SIRPB1: variants seen among roughly 807,000 people sequenced by gnomAD.
The protein encoded by SIRPB1 is signal-regulatory protein beta-1.
A neutral mutation model predicts 34.1 loss-of-function variants in SIRPB1; 28 were observed. The ratio of observed to expected loss-of-function variants is 0.82; its 90% confidence interval spans 0.61 to 1.12. SIRPB1 has a LOEUF of 1.12. SIRPB1 is among the 50% of genes most tolerant of loss of function. The pLI is 0.00. For synonymous variants in SIRPB1, 211 were observed against 203.8 expected (o/e 1.04, Z -0.30); for missense variants, 499 against 507.0 (o/e 0.98, Z 0.15).
intron 2 of SIRPB1, among the ~76,000 whole-genome samples, chr20:1,577,862 C>G (rs6110507): frequency 1.4e-5 from 2 of 146,074 alleles, no homozygotes; most frequent in Non-Finnish European, 3.1e-5. Flanking sequence ...GGTGGGGGAG[C>G]GCTTTAGGCT....
intron 4 of SIRPB1, chr20:1,570,537 G>T: frequency 2.9e-6 from 1 of 341,278 alleles, no homozygotes; most frequent in Non-Finnish European, 5.3e-6. Flanking sequence ...TTCCTTTAAT[G>T]TATATTTATG....
rs77498729 is a variant in SIRPB1, at chr20:1,619,420, A to T, written c.76+449T>A. Among the ~76,000 whole-genome samples, 9 of 152,212 alleles carry T rather than the reference A, an allele frequency of 5.9e-5. No homozygotes were observed. The East Asian group carries it at 1.7e-3, about 29-fold the overall frequency. On this transcript the variant is annotated intron_variant, in intron 1 of 5. Coordinates refer to ENST00000381605, the MANE Select transcript of SIRPB1 (RefSeq NM_006065.5). The stretch of plus-strand genomic sequence containing the variant: ...TGGTGGCTGAACACTCCCAGGATAC[A>T]CCACACCACTGCCCTACTCAAGTGA...
In SIRPB1 at chr20:1,562,566, C is replaced by T. The variant is rs2091090042; in HGVS notation, c.*2934G>A. ...ATAGTTTAGTTAAGTAACATCAGTC[C>T]CACAACACAAGTCTCAAAATTTAGG... On this transcript the variant is annotated 3_prime_UTR_variant, in exon 6 of 6. Coordinates refer to ENST00000381605, the MANE Select transcript of SIRPB1 (RefSeq NM_006065.5). 6.6e-6 allele frequency among the ~76,000 whole-genome samples: 1 copy of T among 152,054 alleles called. No homozygotes were observed. Among genetic ancestry groups the T allele is most frequent in the Non-Finnish European group, 1.5e-5 (1 of 68,018 alleles).
Position 1,561,844 on chromosome 20 carries a change from C to T in SIRPB1, c.*3656G>A, listed in dbSNP as rs980158863. ...CCTTTTTTCCATGCTGTACTCTTTGCAAAGAAGTCGCAGTGCACAGCCCAC... is the reference window on the plus strand; with the variant it reads ...CCTTTTTTCCATGCTGTACTCTTTGTAAAGAAGTCGCAGTGCACAGCCCAC... On this transcript the variant is annotated 3_prime_UTR_variant, in exon 6 of 6. Coordinates refer to ENST00000381605, the MANE Select transcript of SIRPB1 (RefSeq NM_006065.5). Among the ~76,000 whole-genome samples, 2 of 152,136 alleles carry T rather than the reference C, an allele frequency of 1.3e-5. No homozygotes were observed. The highest frequency in any genetic ancestry group is 2.4e-5 in the African/African-American group (1 of 41,426).
intron 2 of SIRPB1, chr20:1,578,043 G>A: frequency 2.3e-6 from 1 of 444,104 alleles, no homozygotes. Context: ...CTCAAATTGT[G>A]AGTTCCCTCA....
intron 1 of SIRPB1, among the ~76,000 whole-genome samples, chr20:1,615,308 C>A (rs1295079708): frequency 6.6e-6 from 1 of 152,224 alleles, no homozygotes; most frequent in Non-Finnish European, 1.5e-5. Flanking sequence ...ATGCCCCTCT[C>A]AGCTTTTGCT....
chr20:1,576,438 G>C (rs1191224727), intron 2 of SIRPB1, among the ~76,000 whole-genome samples: 2 of 147,890 alleles, frequency 1.4e-5, no homozygotes, highest in African/African-American at 4.9e-5. Context: ...AATTCCAGAG[G>C]CTGCCCACAT....
chr20:1,578,535 T>C lies in SIRPB1; in HGVS notation c.236A>G (p.Tyr79Cys). 6.3e-7 allele frequency: 1 copy of C among 1,583,762 alleles called. No individual in the cohort carries two copies. The highest frequency in any genetic ancestry group is 8.6e-7 in the Non-Finnish European group (1 of 1,157,530). ...RGAGAGRELI[Y>C]NQKEGHFPRV... ...TGGGAAGTGGCCTTCTTTCTGATTG[T>C]AGATTAATTCCCGGCCTGCTCCAGC... is the stretch of plus-strand genomic sequence containing the variant. The change falls in exon 2 of 6, where the codon TAC becomes TGC. Residue 79 changes from tyrosine to cysteine, a missense_variant. By Grantham distance (194) the Tyr-to-Cys change is radical (BLOSUM62 -2). Transcript: ENST00000381605.
At chr20:1,613,942 A>G (rs557121355) in intron 1 of SIRPB1, among the ~76,000 whole-genome samples, 1 of 152,344 alleles carries the variant, frequency 6.6e-6, no homozygotes, top group Admixed American at 6.5e-5. Context: ...ACTAAGACAC[A>G]TTATAACCCA....
chr20:1,613,653 A>G (rs1421036289), intron 1 of SIRPB1, among the ~76,000 whole-genome samples: 1 of 152,242 alleles, frequency 6.6e-6, no homozygotes, highest in East Asian at 1.9e-4. Flanking sequence ...AGAAAACTGG[A>G]AGATGGTATA....
At position 1,562,892 on chromosome 20, in the gene SIRPB1, T is replaced by C. The variant is rs2091091973; in HGVS notation, c.*2608A>G. On this transcript the variant is annotated 3_prime_UTR_variant, in exon 6 of 6. Transcript: ENST00000381605. ...GTGAAGAAATGAGAAGTGAAAATGC[T>C]GCAAGTGAGGTTCAAATTGAATGTG... Among the ~76,000 whole-genome samples, 1 of 152,216 alleles carries C rather than the reference T, an allele frequency of 6.6e-6. No individual in the cohort carries two copies. The highest frequency in any genetic ancestry group is 1.5e-5 in the Non-Finnish European group (1 of 68,042).
At position 1,571,911 on chromosome 20, in the gene SIRPB1, C is replaced by G. The variant is rs2091246240; in HGVS notation, c.560G>C (p.Gly187Ala). The G allele has an allele frequency of 6.2e-7, 1 of 1,614,054 alleles. No homozygotes were observed. Residue 187 changes from glycine (G) to alanine (A), a missense_variant, in exon 3 of 6, where the codon GGG becomes GCG. Physicochemically the swap from Gly to Ala is moderately conservative, Grantham distance 60. Transcript: ENST00000381605. ...GGTCTGGAAGTCTGAGAGCTCATTC[C>G]CATTTTTGAACCATTTCAGGGTGAT... ...RDITLKWFKN[G>A]NELSDFQTNV...
chr20:1,578,840 C>A, intron 1 of SIRPB1, 146 bp from the exon 2 acceptor site: 1 of 700,418 alleles, frequency 1.4e-6, no homozygotes, highest in East Asian at 2.5e-5. Flanking sequence ...TCTCATTTAA[C>A]CCTCACAACT....
intron 1 of SIRPB1, among the ~76,000 whole-genome samples, chr20:1,618,496 C>T (rs2209313): frequency 0.18 from 27,903 of 152,168 alleles, 2,995 homozygotes; most frequent in Admixed American, 0.31. Flanking sequence ...ATTAGTGGAG[C>T]TAAAACAGGC....
chr20:1,566,328 C>T (rs1374869118), intron 4 of SIRPB1, 61 bp from the exon 5 acceptor site: 1 of 977,654 alleles, frequency 1.0e-6, no homozygotes, highest in Admixed American at 2.3e-5. Context: ...ATCCCAGGGG[C>T]CTCCACTTAC....
rs565025562 is a variant in SIRPB1 at position 1,562,164 on chromosome 20, C to CT, written c.*3335dup. Among the ~76,000 whole-genome samples the CT allele has an allele frequency of 6.6e-6, 1 of 151,868 alleles. No homozygotes were observed. The highest frequency in any genetic ancestry group is 1.5e-5 in the Non-Finnish European group (1 of 67,954). On this transcript the variant is annotated 3_prime_UTR_variant, in exon 6 of 6. Transcript: ENST00000381605. ...CTGTGGGTTTTGGTTTTGGGGTTGA[C>CT]TTTTTTTTCTTGTTAGCACTTTCTT... is the stretch of plus-strand genomic sequence containing the variant.
At chr20:1,618,463 T>A (rs1167450206) in intron 1 of SIRPB1, among the ~76,000 whole-genome samples, 2 of 152,222 alleles carry the variant, frequency 1.3e-5, no homozygotes, top group African/African-American at 4.8e-5. Context: ...TAGTTGCAGC[T>A]TTCACACAGG....
rs145644313 is a variant in SIRPB1, at chr20:1,561,758, T to C, written c.*3742A>G. On this transcript the variant is annotated 3_prime_UTR_variant, in exon 6 of 6. Coordinates refer to ENST00000381605, the MANE Select transcript of SIRPB1 (RefSeq NM_006065.5). Reference sequence around the variant, plus strand: ...TGTTGATTTATAACTGTTGATGAACTCTTGATCACCTGGCTGAAGCTGTAT... The same window carrying C: ...TGTTGATTTATAACTGTTGATGAACCCTTGATCACCTGGCTGAAGCTGTAT... Among the ~76,000 whole-genome samples, 410 of 152,338 alleles carry C rather than the reference T, an allele frequency of 2.7e-3. No individual in the cohort carries two copies. Among genetic ancestry groups the C allele is most frequent in the Non-Finnish European group, 4.0e-3 (274 of 68,032 alleles).
chr20:1,588,798 A>AC, intron 1 of SIRPB1: 1 of 222,922 alleles, frequency 4.5e-6, no homozygotes, highest in Non-Finnish European at 6.8e-6. Context: ...GAAATCAGGC[A>AC]CAGCAGGCAG....
Sources: gnomAD v4.1 joint callset for allele counts (sites outside exome capture counted in the v4.1 genomes callset) on GRCh38, gnomAD v4.1.1 for gene constraint, MANE v1.5 for transcripts, NCBI Gene and HGNC (gene_info 2026-07-23, HGNC 2026-07-21) for gene names.